Variants in CD2AP observed in about 807,000 individuals in gnomAD.
The protein encoded by CD2AP is CD2 associated protein, also known as CD2-associated protein.
In CD2AP, 46 loss-of-function variants were observed where a neutral mutation model predicts 85.1. That is an observed-to-expected ratio of 0.54 (90% confidence interval 0.43 to 0.69). The LOEUF (loss-of-function observed/expected upper bound fraction) is 0.69, where lower values mean the gene tolerates loss of function less well. CD2AP is among the 30% of genes least tolerant of loss of function. The pLI, the probability that CD2AP is intolerant of heterozygous loss-of-function variation, is 0.00. For synonymous variants in CD2AP, 255 were observed against 252.9 expected (o/e 1.01, Z -0.08); for missense variants, 769 against 729.5 (o/e 1.05, Z -0.62).
In CD2AP at chr6:47,599,329, T is replaced by C; in HGVS notation, c.1303T>C (p.Ser435Pro). The change falls in exon 13 of 18, where the codon TCA (serine) becomes CCA (proline). Residue 435 changes from serine (S) to proline (P), a missense_variant. By Grantham distance (74) the Ser-to-Pro change is moderately conservative (BLOSUM62 -1). Coordinates refer to ENST00000359314, the MANE Select transcript of CD2AP (RefSeq NM_012120.3). ...KINGEVSSIS[S>P]KFETEPVSKL... is the part of the protein sequence containing the mutation. Reference sequence around the variant, plus strand: ...TAATGGGGAAGTTTCTAGCATTTCATCAAAATTTGAAACTGAGCCAGTATC... The same window carrying C: ...TAATGGGGAAGTTTCTAGCATTTCACCAAAATTTGAAACTGAGCCAGTATC... The C allele has an allele frequency of 6.2e-7, 1 of 1,612,470 alleles. No individual in the cohort carries two copies.
chr6:47,550,652 A>G (rs374532922), intron 4 of CD2AP, among the ~76,000 whole-genome samples: 1 of 152,232 alleles, frequency 6.6e-6, no homozygotes, highest in East Asian at 1.9e-4. Context: ...AACTAAAAGT[A>G]GAACTATCAC....
chr6:47,549,303 C>A (rs1256401380), intron 4 of CD2AP, among the ~76,000 whole-genome samples: 1 of 151,824 alleles, frequency 6.6e-6, no homozygotes, highest in Non-Finnish European at 1.5e-5. Flanking sequence ...CCTTGAAATC[C>A]CTAAAGACTC....
chr6:47,583,268 CTTT>C (rs925904377), intron 11 of CD2AP, among the ~76,000 whole-genome samples: 2 of 152,202 alleles, frequency 1.3e-5, no homozygotes, highest in Non-Finnish European at 2.9e-5. Flanking sequence ...ATTGACACTT[CTTT>C]ATCACTCAAA....
At chr6:47,609,070 G>T in intron 15 of CD2AP, 53 bp from the exon 16 acceptor site, 1 of 1,328,240 alleles carries the variant, frequency 7.5e-7, no homozygotes, top group South Asian at 1.4e-5. Context: ...AAAATCTTTC[G>T]AACGTAAATA....
chr6:47,576,587 GA>G lies in CD2AP; in HGVS notation c.795del (p.Gly266ValfsTer30). 1 of 1,609,652 alleles carries G rather than the reference GA, an allele frequency of 6.2e-7. No individual in the cohort carries two copies. Among genetic ancestry groups the G allele is most frequent in the Non-Finnish European group, 8.5e-7 (1 of 1,176,440 alleles). On this transcript the variant is annotated frameshift_variant, in exon 7 of 18. Coordinates refer to ENST00000359314, the MANE Select transcript of CD2AP (RefSeq NM_012120.3). LOFTEE classifies it high-confidence loss of function. ...QSVEITKTDT[E>X]GKIKAKEYCR... ...TGTGGAGATAACAAAAACAGATACC[GA>G]AGGTAAAATTAAAGGTATGTTTTTG...
chr6:47,545,469 G>T (rs927331814), intron 4 of CD2AP, among the ~76,000 whole-genome samples: 1 of 152,062 alleles, frequency 6.6e-6, no homozygotes, highest in Non-Finnish European at 1.5e-5. Context: ...CTAAGGCCCA[G>T]CCTATCACCT....
rs911296586 is a variant in CD2AP, at chr6:47,525,082, A to C, written c.166-8520A>C. ...TATATTATTACTTATATTAAAAAAA[A>C]CAAAAATACTTCAGGAGTATGGTAG... On this transcript the variant is annotated intron_variant, in intron 2 of 17. Transcript: ENST00000359314. Among the ~76,000 whole-genome samples, 6 of 152,200 alleles carry C rather than the reference A, an allele frequency of 3.9e-5. No individual in the cohort carries two copies. In the East Asian group the frequency reaches 1.2e-3, roughly 29 times the overall value.
In CD2AP at chr6:47,623,916, A is replaced by G. The variant is rs527346931; in HGVS notation, c.1879-270A>G. 3.2e-4 allele frequency among the ~76,000 whole-genome samples: 49 copies of G among 152,070 alleles called. 1 individual carries two copies. Among genetic ancestry groups the G allele is most frequent in the Non-Finnish European group, 7.1e-4 (48 of 67,988 alleles). On this transcript the variant is annotated intron_variant, in intron 17 of 17. Transcript: ENST00000359314. Reference sequence around the variant, plus strand: ...TTGTAGGACTGACTGATTTTTTTACAGCTTTAATTTTAAATGCTCACATGA... The same window carrying G: ...TTGTAGGACTGACTGATTTTTTTACGGCTTTAATTTTAAATGCTCACATGA...
intron 11 of CD2AP, among the ~76,000 whole-genome samples, chr6:47,584,674 T>C (rs1415461593): frequency 1.3e-5 from 2 of 152,148 alleles, no homozygotes; most frequent in African/African-American, 4.8e-5. Context: ...GAAGTTTTTT[T>C]ATATTCTTTT....
chr6:47,592,752 A>G (rs1768837226), intron 11 of CD2AP, among the ~76,000 whole-genome samples: 1 of 152,156 alleles, frequency 6.6e-6, no homozygotes, highest in Non-Finnish European at 1.5e-5. Context: ...TTGAGGGGAT[A>G]GGAAGGTGGT....
At position 47,512,424 on chromosome 6, in the gene CD2AP, A is replaced by G. The variant is rs1766343119; in HGVS notation, c.165+8984A>G. ...TGGATGGTGGAACTAGGCTTCTTGTAAAAAACTCACGTCCCTGTTACTAAT... is the reference window on the plus strand; with the variant it reads ...TGGATGGTGGAACTAGGCTTCTTGTGAAAAACTCACGTCCCTGTTACTAAT... On this transcript the variant is annotated intron_variant, in intron 2 of 17. Transcript: ENST00000359314. Among the ~76,000 whole-genome samples the G allele has an allele frequency of 2.0e-5, 3 of 152,306 alleles. No homozygotes were observed. In the South Asian group the frequency reaches 6.2e-4, roughly 32 times the overall value.
chr6:47,513,962 G>T (rs1488111935), intron 2 of CD2AP, among the ~76,000 whole-genome samples: 1 of 151,692 alleles, frequency 6.6e-6, no homozygotes, highest in Non-Finnish European at 1.5e-5. Flanking sequence ...ATGATTACTA[G>T]TGAAGCTAGG....
intron 2 of CD2AP, among the ~76,000 whole-genome samples, chr6:47,514,360 T>G (rs1766399009): frequency 6.6e-6 from 1 of 152,210 alleles, no homozygotes; most frequent in African/African-American, 2.4e-5. Flanking sequence ...AGAAGTAAGC[T>G]AAAACTGAGG....
chr6:47,501,315 T>G (rs1765991012), intron 1 of CD2AP, among the ~76,000 whole-genome samples: 1 of 152,254 alleles, frequency 6.6e-6, no homozygotes, highest in African/African-American at 2.4e-5. Context: ...TTAAGGTTGC[T>G]ATACATAGAC....
At chr6:47,588,005 A>T (rs1582595068) in intron 11 of CD2AP, among the ~76,000 whole-genome samples, 1 of 152,202 alleles carries the variant, frequency 6.6e-6, no homozygotes, top group Non-Finnish European at 1.5e-5. Flanking sequence ...CAGTGGATGG[A>T]TTTATTTACA....
At chr6:47,571,022 G>T (rs1768135994) in intron 5 of CD2AP, among the ~76,000 whole-genome samples, 1 of 151,758 alleles carries the variant, frequency 6.6e-6, no homozygotes, top group Non-Finnish European at 1.5e-5. Context: ...CCCCTTCCCT[G>T]CCTTTTTTTT....
chr6:47,589,969 C>A (rs1768747844), intron 11 of CD2AP, among the ~76,000 whole-genome samples: 3 of 152,022 alleles, frequency 2.0e-5, no homozygotes, highest in African/African-American at 7.2e-5. Flanking sequence ...TTTTTACTAT[C>A]CCTACCTTAG....
intron 13 of CD2AP, among the ~76,000 whole-genome samples, chr6:47,602,049 C>T (rs1278323989): frequency 6.6e-6 from 1 of 151,720 alleles, no homozygotes; most frequent in Non-Finnish European, 1.5e-5. Context: ...TAAACCCATC[C>T]CATTTTGTTT....
At chr6:47,538,322 C>T (rs1204361558) in intron 3 of CD2AP, among the ~76,000 whole-genome samples, 1 of 151,980 alleles carries the variant, frequency 6.6e-6, no homozygotes, top group Non-Finnish European at 1.5e-5. Context: ...GCTCACTGCA[C>T]CCTTCGCCTT....
Sources: gnomAD v4.1 joint callset for allele counts (sites outside exome capture counted in the v4.1 genomes callset) on GRCh38, gnomAD v4.1.1 for gene constraint, MANE v1.5 for transcripts, NCBI Gene and HGNC (gene_info 2026-07-23, HGNC 2026-07-21) for gene names.